Variants in MCTP2 observed in about 807,000 individuals in gnomAD.
The protein encoded by MCTP2 is multiple C2 and transmembrane domain containing 2.
A neutral mutation model predicts 111.6 loss-of-function variants in MCTP2; 132 were observed. That is an observed-to-expected ratio of 1.18 (90% CI 1.03 to 1.37). The LOEUF is 1.37. MCTP2 is among the 40% of genes most tolerant of loss of function. MCTP2 has a pLI of 0.00. For missense variants in MCTP2, 1,183 were observed against 1,067.9 expected (o/e 1.11, Z -1.50); for synonymous variants, 395 against 387.7 (o/e 1.02, Z -0.22).
intron 8 of MCTP2, among the ~76,000 whole-genome samples, chr15:94,354,721 T>A (rs2078517091): frequency 6.6e-6 from 1 of 152,208 alleles, no homozygotes; most frequent in Admixed American, 6.5e-5. Flanking sequence ...TCATAAATGA[T>A]CAAAATACCT....
At chr15:94,431,864 C>G (rs913502811) in intron 17 of MCTP2, among the ~76,000 whole-genome samples, 4 of 152,056 alleles carry the variant, frequency 2.6e-5, no homozygotes, top group African/African-American at 9.7e-5. Context: ...TTTCAAATAT[C>G]TAGATTTTAT....
At chr15:94,457,489 G>T (rs180717653) in intron 19 of MCTP2, among the ~76,000 whole-genome samples, 4 of 152,252 alleles carry the variant, frequency 2.6e-5, no homozygotes, top group Admixed American at 6.5e-5. Flanking sequence ...TGAGGAGATC[G>T]CAATCAATTG....
At chr15:94,311,855 ATCAT>A (rs1009824940) in intron 2 of MCTP2, among the ~76,000 whole-genome samples, 7 of 152,238 alleles carry the variant, frequency 4.6e-5, no homozygotes, top group East Asian at 1.9e-4. Flanking sequence ...AATTAACATC[ATCAT>A]TCAGTACAGT....
chr15:94,311,375 C>T (rs1439786914), intron 2 of MCTP2, among the ~76,000 whole-genome samples: 1 of 152,042 alleles, frequency 6.6e-6, no homozygotes, highest in Non-Finnish European at 1.5e-5. Context: ...TGGGGTATTC[C>T]TGATGAAATA....
intron 4 of MCTP2, among the ~76,000 whole-genome samples, chr15:94,328,632 T>G (rs956487322): frequency 2.6e-5 from 4 of 152,222 alleles, no homozygotes; most frequent in African/African-American, 9.6e-5. Flanking sequence ...ACACCATCAT[T>G]CCTTGCTGAG....
chr15:94,383,987 C>T (rs2080304988), intron 12 of MCTP2, 35 bp from the exon 13 acceptor site: 11 of 1,458,912 alleles, frequency 7.5e-6, no homozygotes, highest in Non-Finnish European at 1.1e-5. Flanking sequence ...TCGAGATTCA[C>T]TTGTCTTTGA....
intron 1 of MCTP2, among the ~76,000 whole-genome samples, chr15:94,246,584 T>G (rs76687467): frequency 0.038 from 5,767 of 152,290 alleles, 217 homozygotes; most frequent in East Asian, 0.12. Context: ...AATAATTGCT[T>G]CATATTTAAA....
intron 22 of MCTP2, among the ~76,000 whole-genome samples, chr15:94,477,344 A>G (rs562544293): frequency 2.0e-5 from 3 of 152,336 alleles, no homozygotes; most frequent in East Asian, 1.9e-4. Context: ...TGTGAGATCA[A>G]TCAGAAGTAT....
intron 1 of MCTP2, among the ~76,000 whole-genome samples, chr15:94,283,340 A>G (rs965842186): frequency 4.6e-5 from 7 of 152,142 alleles, no homozygotes; most frequent in Non-Finnish European, 1.0e-4. Context: ...TGCTGCCTAG[A>G]GGAGTATGCC....
chr15:94,326,503 C>T (rs1014177853), intron 4 of MCTP2, among the ~76,000 whole-genome samples: 4 of 152,076 alleles, frequency 2.6e-5, no homozygotes, highest in African/African-American at 4.8e-5. Context: ...TATTTGTTGA[C>T]CTACTGGTGT....
intron 2 of MCTP2, among the ~76,000 whole-genome samples, chr15:94,306,103 A>C (rs1001304608): frequency 6.6e-6 from 1 of 152,206 alleles, no homozygotes; most frequent in South Asian, 2.1e-4. Context: ...TCAGTGCTAG[A>C]TAACCAGTTG....
intron 20 of MCTP2, among the ~76,000 whole-genome samples, chr15:94,460,532 G>T (rs2085122910): frequency 6.6e-6 from 1 of 152,134 alleles, no homozygotes; most frequent in South Asian, 2.1e-4. Flanking sequence ...ACACAGAGTG[G>T]GGTCAAGACC....
intron 8 of MCTP2, among the ~76,000 whole-genome samples, chr15:94,349,995 A>G (rs927958829): frequency 6.6e-6 from 1 of 152,204 alleles, no homozygotes; most frequent in Non-Finnish European, 1.5e-5. Flanking sequence ...GCAGCTGGTA[A>G]TGGTTAGAAA....
In MCTP2 at chr15:94,340,833, A is replaced by T. The variant is rs754757853; in HGVS notation, c.878A>T (p.Lys293Ile). 1.9e-6 allele frequency: 3 copies of T among 1,610,884 alleles called. No individual in the cohort carries two copies. The Admixed American group carries it at 5.0e-5, about 27-fold the overall frequency. The stretch of plus-strand genomic sequence containing the variant: ...TGTAGAACAACTGAACATATTTTAA[A>T]ACTGGAAGATCCAAACAGTTTAGAA... ...ELNRTTEHILKLEDPNSLEDD... is the reference protein window; with the variant it reads ...ELNRTTEHILILEDPNSLEDD... Residue 293 changes from lysine (K) to isoleucine (I), a missense_variant, in exon 7 of 23, where the codon AAA (lysine) becomes ATA (isoleucine). By Grantham distance (102) the Lys-to-Ile change is moderately radical (BLOSUM62 -3). Coordinates refer to ENST00000357742, the MANE Select transcript of MCTP2 (RefSeq NM_001385001.1).
intron 11 of MCTP2, among the ~76,000 whole-genome samples, chr15:94,368,665 T>C (rs990486120): frequency 6.6e-5 from 10 of 152,174 alleles, no homozygotes; most frequent in African/African-American, 2.4e-4. Flanking sequence ...AGAGTGCGCA[T>C]GTGAGGCTGG....
chr15:94,388,306 G>C (rs1284008821), intron 14 of MCTP2, among the ~76,000 whole-genome samples: 2 of 152,180 alleles, frequency 1.3e-5, no homozygotes, highest in Non-Finnish European at 2.9e-5. Context: ...CACTCAGTAA[G>C]ATGCTTCGGC....
chr15:94,341,520 T>C (rs2077640089), intron 7 of MCTP2: 1 of 152,298 alleles, frequency 6.6e-6, no homozygotes, highest in African/African-American at 2.4e-5. Context: ...TAAGATGTGT[T>C]ATAATTTAGC....
chr15:94,320,485 G>T (rs2076585881), intron 4 of MCTP2, among the ~76,000 whole-genome samples: 1 of 152,104 alleles, frequency 6.6e-6, no homozygotes, highest in African/African-American at 2.4e-5. Context: ...ATAACTGATG[G>T]TTTATACACA....
At chr15:94,417,845 A>G (rs556645089) in intron 17 of MCTP2, among the ~76,000 whole-genome samples, 10 of 152,126 alleles carry the variant, frequency 6.6e-5, no homozygotes, top group Non-Finnish European at 1.5e-4. Flanking sequence ...ACTAATCACT[A>G]TTGGAGGGTT....
Sources: allele counts gnomAD v4.1 joint callset (sites outside exome capture counted in the v4.1 genomes callset), GRCh38; gene constraint gnomAD v4.1.1; transcripts MANE v1.5; gene names NCBI Gene and HGNC (gene_info 2026-07-23, HGNC 2026-07-21).